Variants in JRK observed in about 807,000 individuals in gnomAD.
The protein encoded by JRK is Jrk helix-turn-helix protein.
For missense variants in JRK, 720 were observed against 509.2 expected, an observed-to-expected ratio of 1.41 and a Z score of -3.98; for synonymous variants, 303 against 218.1, an observed-to-expected ratio of 1.39 and a Z score of -3.43.
At position 142,664,471 on chromosome 8, in the gene JRK, T is replaced by C. The variant is rs1554635108; in HGVS notation, c.1588A>G (p.Arg530Gly). The C allele has an allele frequency of 6.2e-6, 10 of 1,610,580 alleles. No homozygotes were observed. The highest frequency in any genetic ancestry group is 8.5e-6 in the Non-Finnish European group (10 of 1,178,576). The change falls in exon 2 of 2, where the codon AGG becomes GGG. Residue 530 changes from arginine (R) to glycine (G), a missense_variant. Arg to Gly is a moderately radical substitution (Grantham distance 125, BLOSUM62 -2). Coordinates refer to ENST00000612905, the MANE Select transcript of JRK (RefSeq NM_003724.4). ...AVFRSQQQVRRRRGALGAVVK... is the reference protein window; with the variant it reads ...AVFRSQQQVRGRRGALGAVVK... The stretch of plus-strand genomic sequence containing the variant: ...ACAGCCCCGAGGGCACCACGCCGCC[T>C]CCTCACCTGCTGCTGGCTCCGGAAC...
At chr8:142,646,646 T>A in the JRK span, among the ~76,000 whole-genome samples, 2 of 152,204 alleles carry the variant, frequency 1.3e-5, no homozygotes, top group African/African-American at 4.8e-5. Context: ...TTACCAATAA[T>A]TTTAAAGCTA....
chr8:142,659,286 G>A lies in JRK; in HGVS notation c.*5066C>T, dbSNP rs979173976. On this transcript the variant is annotated 3_prime_UTR_variant, in exon 2 of 2. Coordinates refer to ENST00000612905, the MANE Select transcript of JRK (RefSeq NM_003724.4). ...CTTGGCTTGGGGTGGCTTAGGACCA[G>A]GGCAAGACGCCTGACCCCAGAGCAG... 2 of 1,056,912 alleles carry A rather than the reference G, an allele frequency of 1.9e-6. No individual in the cohort carries two copies. Among genetic ancestry groups the A allele is most frequent in the Non-Finnish European group, 2.3e-6 (2 of 873,510 alleles). The allele number at this position is 1,056,912 out of a possible 1,614,324, so 65.5% of individuals were successfully genotyped here.
rs1320243073 is a variant in JRK at position 142,663,851 on chromosome 8, C to T, written c.*501G>A. On this transcript the variant is annotated 3_prime_UTR_variant, in exon 2 of 2. Coordinates refer to ENST00000612905, the MANE Select transcript of JRK (RefSeq NM_003724.4). Reference sequence around the variant, plus strand: ...CTCGGGCCATCGGACCTCAGGCAACCGTGCTCGGGGTCCACCCAACACGGG... The same window carrying T: ...CTCGGGCCATCGGACCTCAGGCAACTGTGCTCGGGGTCCACCCAACACGGG... 3.2e-5 allele frequency: 32 copies of T among 987,778 alleles called. No individual in the cohort carries two copies. Among genetic ancestry groups the T allele is most frequent in the African/African-American group, 7.0e-5 (4 of 57,476 alleles). The allele number at this position is 987,778 out of a possible 1,614,324, so 61.2% of individuals were successfully genotyped here.
intron 1 of JRK, among the ~76,000 whole-genome samples, chr8:142,669,669 G>A (rs1349181556): frequency 6.6e-6 from 1 of 151,754 alleles, no homozygotes; most frequent in Admixed American, 6.6e-5. Context: ...GGTGCGGCTC[G>A]GGGGCCGCGC....
chr8:142,664,761 C>G lies in JRK; in HGVS notation c.1298G>C (p.Arg433Pro), dbSNP rs782252872. The part of the protein sequence containing the change: ...KEGSSCPGQL[R>P]QRQAASWGVA... ...CCCCCAGCTGGCGGCCTGGCGCTGG[C>G]GAAGCTGGCCCGGGCAGGAGGAGCC... The change falls in exon 2 of 2, where the codon CGC becomes CCC. Residue 433 changes from arginine to proline, a missense_variant. Transcript: ENST00000612905. 1 of 1,590,562 alleles carries G rather than the reference C, an allele frequency of 6.3e-7. No homozygotes were observed. Among genetic ancestry groups the G allele is most frequent in the East Asian group, 2.3e-5 (1 of 43,682 alleles).
At chr8:142,668,583 G>A (rs982881564) in intron 1 of JRK, among the ~76,000 whole-genome samples, 1 of 151,744 alleles carries the variant, frequency 6.6e-6, no homozygotes, top group Non-Finnish European at 1.5e-5. Flanking sequence ...TAGCTTATGA[G>A]GGACTAACTG....
rs1297121577 is a variant in JRK at position 142,663,052 on chromosome 8, C to G, written c.*1300G>C. On this transcript the variant is annotated 3_prime_UTR_variant, in exon 2 of 2. Transcript: ENST00000612905. ...CCTCTAGTCCCAGCTACTCAGGAGGCTGGGGCGGGAGGATCACTCAAGCCA... is the reference window on the plus strand; with the variant it reads ...CCTCTAGTCCCAGCTACTCAGGAGGGTGGGGCGGGAGGATCACTCAAGCCA... The G allele has an allele frequency of 1.3e-5, 9 of 705,544 alleles. No individual in the cohort carries two copies. Among genetic ancestry groups the G allele is most frequent in the Non-Finnish European group, 1.6e-5 (9 of 574,744 alleles). The allele number at this position is 705,544 out of a possible 1,614,324, so 43.7% of individuals were successfully genotyped here.
At chr8:142,644,972 G>T in the JRK span, among the ~76,000 whole-genome samples, 1 of 152,164 alleles carries the variant, frequency 6.6e-6, no homozygotes, top group Non-Finnish European at 1.5e-5. Context: ...TGACATTAAT[G>T]ATTTATTTAT....
At chr8:142,647,649 A>G in the JRK span, among the ~76,000 whole-genome samples, 2 of 152,200 alleles carry the variant, frequency 1.3e-5, no homozygotes, top group East Asian at 3.8e-4. Context: ...GTGGAGCTGT[A>G]AGTCCATTAA....
chr8:142,657,216 C>T (rs1554633800), downstream of JRK, among the ~76,000 whole-genome samples: 1 of 152,202 alleles, frequency 6.6e-6, no homozygotes, highest in African/African-American at 2.4e-5. Context: ...CACCCATCCT[C>T]TACAATCATG....
At chr8:142,669,039 C>G (rs1349453857) in intron 1 of JRK, among the ~76,000 whole-genome samples, 1 of 152,058 alleles carries the variant, frequency 6.6e-6, no homozygotes, top group Non-Finnish European at 1.5e-5. Flanking sequence ...TCTCCTGTGC[C>G]CAAGGCACAG....
Position 142,660,427 on chromosome 8 carries a change from T to C in JRK, c.*3925A>G. On this transcript the variant is annotated 3_prime_UTR_variant, in exon 2 of 2. Transcript: ENST00000612905. Reference sequence around the variant, plus strand: ...TTTGTTATTTTTTGTTTTTAGAGATTAGGTCTCTCACTCTGTCACCCAGGC... The same window carrying C: ...TTTGTTATTTTTTGTTTTTAGAGATCAGGTCTCTCACTCTGTCACCCAGGC... 1 of 984,536 alleles carries C rather than the reference T, an allele frequency of 1.0e-6. No individual in the cohort carries two copies. The allele number at this position is 984,536 out of a possible 1,614,324, so 61.0% of individuals were successfully genotyped here.
chr8:142,664,223 C>T lies in JRK; in HGVS notation c.*129G>A. On this transcript the variant is annotated 3_prime_UTR_variant, in exon 2 of 2. Coordinates refer to ENST00000612905, the MANE Select transcript of JRK (RefSeq NM_003724.4). The stretch of plus-strand genomic sequence containing the variant: ...ACCCGAGCCACACCCGTGGGCGACC[C>T]ACTCCTGGAAGGGCTCTTGAGTGTC... 7.1e-7 allele frequency: 1 copy of T among 1,415,900 alleles called. No individual in the cohort carries two copies. The highest frequency in any genetic ancestry group is 9.2e-7 in the Non-Finnish European group (1 of 1,082,168). The allele number at this position is 1,415,900 out of a possible 1,614,324, so 87.7% of individuals were successfully genotyped here.
In JRK at chr8:142,666,191, A is replaced by T; in HGVS notation, c.-133T>A. 1.4e-6 allele frequency: 2 copies of T among 1,473,544 alleles called. No homozygotes were observed. Among genetic ancestry groups the T allele is most frequent in the Non-Finnish European group, 1.8e-6 (2 of 1,082,926 alleles). The allele number at this position is 1,473,544 out of a possible 1,614,324, so 91.3% of individuals were successfully genotyped here. On this transcript the variant is annotated 5_prime_UTR_variant, in exon 2 of 2. Coordinates refer to ENST00000612905, the MANE Select transcript of JRK (RefSeq NM_003724.4). The stretch of plus-strand genomic sequence containing the variant: ...TCCACTCTGCCTGCCTGCTCTGCTG[A>T]TCCTGAGCACAGGCCCCAGTCCCTC...
At chr8:142,648,863 C>T in the JRK span, among the ~76,000 whole-genome samples, 10 of 152,232 alleles carry the variant, frequency 6.6e-5, no homozygotes, top group Non-Finnish European at 1.5e-4. Flanking sequence ...CCCATGAAGG[C>T]AGCTGGGAGG....
rs1846938955 is a variant in JRK, at chr8:142,662,239, C to CT, written c.*2112dup. ...AGCTCAGGTCCTGAAGAGCTACAGT[C>CT]TGACAGGGACAAGCCATGTCCAGAG... On this transcript the variant is annotated 3_prime_UTR_variant, in exon 2 of 2. Coordinates refer to ENST00000612905, the MANE Select transcript of JRK (RefSeq NM_003724.4). 1 of 985,396 alleles carries CT rather than the reference C, an allele frequency of 1.0e-6. No homozygotes were observed. Among genetic ancestry groups the CT allele is most frequent in the Non-Finnish European group, 1.2e-6 (1 of 829,998 alleles). The allele number at this position is 985,396 out of a possible 1,614,324, so 61.0% of individuals were successfully genotyped here.
Position 142,665,609 on chromosome 8 carries a change from T to C in JRK, c.450A>G (p.Ala150=), listed in dbSNP as rs1554635792. Residue 150 remains alanine (A), a synonymous_variant, in exon 2 of 2, where the codon GCA becomes GCG. Transcript: ENST00000612905. ...KARHGIKKLD[A]SSEKQSADHQ... ...GGTCGGCTGACTGCTTTTCACTGGATGCATCTAGCTTTTTAATGCCGTGTC... is the reference window on the plus strand; with the variant it reads ...GGTCGGCTGACTGCTTTTCACTGGACGCATCTAGCTTTTTAATGCCGTGTC... The C allele has an allele frequency of 2.8e-6, 2 of 718,586 alleles. No homozygotes were observed. 44.5% of individuals were successfully genotyped at this position (718,586 alleles called of 1,614,324 possible). A position where few individuals can be genotyped will look rare whatever the true frequency, so the allele number is the denominator to read the frequency against.
At position 142,667,500 on chromosome 8, in the gene JRK, C is replaced by T. The variant is rs587742932; in HGVS notation, c.-462-980G>A. Among the ~76,000 whole-genome samples the T allele has an allele frequency of 1.1e-4, 17 of 152,094 alleles. No individual in the cohort carries two copies. In the South Asian group the frequency reaches 3.3e-3, roughly 30 times the overall value. On this transcript the variant is annotated intron_variant, in intron 1 of 1. Coordinates refer to ENST00000612905, the MANE Select transcript of JRK (RefSeq NM_003724.4). Reference sequence around the variant, plus strand: ...CCACCCAACCTCACTCACACATACACGCTCAGAGGACACAGGAACAAGCTA... The same window carrying T: ...CCACCCAACCTCACTCACACATACATGCTCAGAGGACACAGGAACAAGCTA...
downstream of JRK, chr8:142,657,328 G>A (rs1330713086): frequency 6.5e-6 from 1 of 152,758 alleles, no homozygotes; most frequent in African/African-American, 2.4e-5. Context: ...CACAGTGGTG[G>A]GGAGGCAGAC....
Sources: gnomAD v4.1 joint callset for allele counts (sites outside exome capture counted in the v4.1 genomes callset) on GRCh38, gnomAD v4.1.1 for gene constraint, MANE v1.5 for transcripts, NCBI Gene and HGNC (gene_info 2026-07-23, HGNC 2026-07-21) for gene names.